Variants in CAPN14 observed in about 807,000 individuals in gnomAD.
CAPN14 encodes calpain-14.
Under a neutral mutation model 101.3 loss-of-function variants are expected in CAPN14, and 94 were observed. The ratio of observed to expected loss-of-function variants is 0.93; its 90% CI spans 0.79 to 1.10. CAPN14 has a LOEUF of 1.10. Ranked by LOEUF, CAPN14 falls within the 50% of genes least tolerant of loss-of-function variation. The pLI is 0.00. For synonymous variants in CAPN14, 338 were observed against 317.9 expected, an observed-to-expected ratio of 1.06 and a Z score of -0.67; for missense variants, 837 against 828.4, an observed-to-expected ratio of 1.01 and a Z score of -0.13.
chr2:31,211,244 GAA>G (rs778885407), intron 1 of CAPN14, among the ~76,000 whole-genome samples: 6,247 of 103,212 alleles, frequency 0.061, 141 homozygotes, highest in Non-Finnish European at 0.063. Context: ...GAAAAAGAGA[GAA>G]AGAGAGGGAG....
chr2:31,222,665 T>C (rs1682895117), intron 2 of CAPN14, among the ~76,000 whole-genome samples: 1 of 152,202 alleles, frequency 6.6e-6, no homozygotes. Context: ...TCACTAATGA[T>C]TGGATTTGGT....
chr2:31,183,487 C>T (rs368365117), intron 16 of CAPN14, among the ~76,000 whole-genome samples: 2 of 152,078 alleles, frequency 1.3e-5, no homozygotes, highest in South Asian at 4.2e-4. Flanking sequence ...CACAAATTTA[C>T]AAGAAAAAAA....
chr2:31,232,073 T>C (rs1683211508), intron 1 of CAPN14, among the ~76,000 whole-genome samples: 1 of 152,190 alleles, frequency 6.6e-6, no homozygotes. Flanking sequence ...CACTGGCCTC[T>C]GATAATCCCC....
At chr2:31,184,066 A>G (rs1052666365) in intron 16 of CAPN14, among the ~76,000 whole-genome samples, 36 of 152,220 alleles carry the variant, frequency 2.4e-4, no homozygotes, top group African/African-American at 7.9e-4. Flanking sequence ...TATTTTTGGT[A>G]GAGACAGGGT....
chr2:31,197,337 G>T lies in CAPN14; in HGVS notation c.790-3C>A. 1 of 1,546,708 alleles carries T rather than the reference G, an allele frequency of 6.5e-7. No homozygotes were observed. The highest frequency in any genetic ancestry group is 1.4e-5 in the African/African-American group (1 of 73,022). On this transcript the variant is annotated splice_region_variant and splice_polypyrimidine_tract_variant and intron_variant, in intron 7 of 21. Transcript: ENST00000403897. ...TCAGGTCTATGTTTGCAGGTCACCT[G>T]CATAAAATGAGAGGCAGTTTAGGTG...
chr2:31,221,534 C>G (rs1682862586), upstream of CAPN14, among the ~76,000 whole-genome samples: 1 of 151,000 alleles, frequency 6.6e-6, no homozygotes, highest in African/African-American at 2.5e-5. Flanking sequence ...GTTCATCTGC[C>G]TTTTTGGGGT....
intron 1 of CAPN14, among the ~76,000 whole-genome samples, chr2:31,232,762 A>G (rs1462177046): frequency 1.3e-5 from 2 of 152,160 alleles, no homozygotes; most frequent in African/African-American, 2.4e-5. Flanking sequence ...TGGGGATTAC[A>G]ATTAGAGATG....
intron 16 of CAPN14, among the ~76,000 whole-genome samples, chr2:31,182,658 A>G (rs1309454371): frequency 7.2e-6 from 1 of 139,796 alleles, no homozygotes; most frequent in African/African-American, 3.0e-5. Flanking sequence ...AAGGAGAACT[A>G]CAAACCACTG....
intron 1 of CAPN14, among the ~76,000 whole-genome samples, chr2:31,206,121 C>T (rs183756660): frequency 1.2e-4 from 18 of 150,364 alleles, no homozygotes; most frequent in Admixed American, 1.0e-3. Flanking sequence ...CAACCCCTGG[C>T]TTCCAGGTTC....
intron 17 of CAPN14, among the ~76,000 whole-genome samples, chr2:31,179,063 T>TAA (rs1445868769): frequency 1.1e-3 from 151 of 138,128 alleles, no homozygotes; most frequent in African/African-American, 3.9e-3. Flanking sequence ...TTGAGTTCTA[T>TAA]ATATATATAT....
At position 31,197,266 on chromosome 2, in the gene CAPN14, T is replaced by C; in HGVS notation, c.858A>G (p.Lys286=). ...LRNPWGKVEW[K]GDWSDSSSKW... is the part of the protein sequence containing the mutation. ...AAGTTCACCTGTCACTCCAGTCTCC[T>C]TTCCATTCCACCTTTCCCCAGGGGT... Residue 286 remains lysine, a synonymous_variant, in exon 8 of 22, where the codon AAA becomes AAG. Transcript: ENST00000403897. 1 of 1,550,992 alleles carries C rather than the reference T, an allele frequency of 6.4e-7. No individual in the cohort carries two copies. The highest frequency in any genetic ancestry group is 1.2e-5 in the South Asian group (1 of 84,048).
At position 31,174,716 on chromosome 2, in the gene CAPN14, G is replaced by A. The variant is rs1680209684; in HGVS notation, c.2029-9C>T. 6.4e-7 allele frequency: 1 copy of A among 1,551,646 alleles called. No homozygotes were observed. The highest frequency in any genetic ancestry group is 8.7e-7 in the Non-Finnish European group (1 of 1,146,968). ...AGTGCCATCATCATCCACTGGACAT[G>A]TTGGGAAAGCAAATGATGGTCAGTT... On this transcript the variant is annotated splice_polypyrimidine_tract_variant and intron_variant, in intron 21 of 21. Transcript: ENST00000403897.
At position 31,207,349 on chromosome 2, in the gene CAPN14, C is replaced by G. The variant is rs142442089; in HGVS notation, c.-52-1850G>C. ...CCATTGGGCACCTACTGTCTTGGTG[C>G]TTCTCAAATTATCACTAGTGAAGGG... On this transcript the variant is annotated intron_variant, in intron 1 of 21. Transcript: ENST00000403897. 8.1e-3 allele frequency among the ~76,000 whole-genome samples: 1,227 copies of G among 152,304 alleles called. 18 individuals carry two copies. Among genetic ancestry groups the G allele is most frequent in the African/African-American group, 0.029 (1,185 of 41,556 alleles).
chr2:31,174,401 T>C lies in CAPN14; in HGVS notation c.*280A>G, dbSNP rs1680193554. 5 of 561,896 alleles carry C rather than the reference T, an allele frequency of 8.9e-6. No individual in the cohort carries two copies. The highest frequency in any genetic ancestry group is 6.1e-5 in the East Asian group (2 of 33,052). 34.8% of individuals were successfully genotyped at this position (561,896 alleles called of 1,614,324 possible). ...CTCTGGAGTCAGAATGCTTAGGCCA[T>C]GTCAGGTAACATCTCCGCTTGTGAC... is the stretch of plus-strand genomic sequence containing the variant. On this transcript the variant is annotated 3_prime_UTR_variant, in exon 22 of 22. Coordinates refer to ENST00000403897, the MANE Select transcript of CAPN14 (RefSeq NM_001145122.2).
Position 31,180,998 on chromosome 2 carries a change from G to A in CAPN14, c.1648C>T (p.Leu550=). 1.3e-6 allele frequency: 2 copies of A among 1,551,680 alleles called. No individual in the cohort carries two copies. The highest frequency in any genetic ancestry group is 1.7e-6 in the Non-Finnish European group (2 of 1,146,926). The change falls in exon 17 of 22, where the codon CTG becomes TTG. Residue 550 remains leucine, a splice_region_variant and synonymous_variant. Coordinates refer to ENST00000403897, the MANE Select transcript of CAPN14 (RefSeq NM_001145122.2). ...CTAAAGAAGGGCTGTCTGCTCCCCA[G>A]ACCTGTGAAGGAGCGAAAGAGTCCA... is the stretch of plus-strand genomic sequence containing the variant. ...NLLNQMTWSS[L]GSRQPFFSLE...
intron 1 of CAPN14, among the ~76,000 whole-genome samples, chr2:31,209,082 G>GC (rs1485053125): frequency 3.3e-5 from 5 of 151,420 alleles, no homozygotes; most frequent in African/African-American, 1.2e-4. Context: ...GGATCCTTCT[G>GC]CCTCAACCTC....
intron 13 of CAPN14, 145 bp from the exon 14 acceptor site, chr2:31,188,499 G>A (rs1465975): frequency 0.22 from 152,789 of 700,462 alleles, 20,854 homozygotes; most frequent in African/African-American, 0.51. Flanking sequence ...CTCACCTCCT[G>A]CTTCCCCTTG....
At chr2:31,192,158 G>T in intron 10 of CAPN14, 60 bp from the exon 11 acceptor site, 1 of 1,475,120 alleles carries the variant, frequency 6.8e-7, no homozygotes, top group South Asian at 1.4e-5. Flanking sequence ...CCTGCTTGCC[G>T]AACCACTAAG....
In CAPN14 at chr2:31,182,240, C is replaced by A. The variant is rs1210497570; in HGVS notation, c.1646-1240G>T. On this transcript the variant is annotated intron_variant, in intron 16 of 21. Transcript: ENST00000403897. ...CACAGCCAATATCATACTGAATGGG[C>A]AAAAACTGGAAGCATTCCCTTTGAA... Among the ~76,000 whole-genome samples, 184 of 150,664 alleles carry A rather than the reference C, an allele frequency of 1.2e-3. 1 individual carries two copies. Among genetic ancestry groups the A allele is most frequent in the African/African-American group, 4.4e-3 (180 of 40,640 alleles).
Sources: allele counts gnomAD v4.1 joint callset (sites outside exome capture counted in the v4.1 genomes callset), GRCh38; gene constraint gnomAD v4.1.1; transcripts MANE v1.5; gene names NCBI Gene and HGNC (gene_info 2026-07-23, HGNC 2026-07-21).